Variants in ENTREP2 observed in about 807,000 individuals in gnomAD.
ENTREP2 encodes protein ENTREP2.
At chr15:29,434,099 G>A in the ENTREP2 span, among the ~76,000 whole-genome samples, 1 of 152,176 alleles carries the variant, frequency 6.6e-6, no homozygotes, top group Non-Finnish European at 1.5e-5. Context: ...ATGAACTAAC[G>A]ACTGTGTGGT....
chr15:29,511,761 AG>A, the ENTREP2 span, among the ~76,000 whole-genome samples: 9 of 149,728 alleles, frequency 6.0e-5, no homozygotes, highest in Non-Finnish European at 1.3e-4. Flanking sequence ...CCAGCCTCGA[AG>A]GGTGCTCCCA....
the ENTREP2 span, chr15:29,268,712 G>T: frequency 6.9e-7 from 1 of 1,445,362 alleles, no homozygotes; most frequent in Non-Finnish European, 9.3e-7. Context: ...CCCTGGGTTC[G>T]TTCTCCCTTC....
At chr15:29,242,173 C>T in the ENTREP2 span, among the ~76,000 whole-genome samples, 14 of 152,122 alleles carry the variant, frequency 9.2e-5, no homozygotes, top group African/African-American at 2.2e-4. Context: ...GCACCCCCTG[C>T]GTCCCCCTGC....
At chr15:29,526,917 C>T in the ENTREP2 span, among the ~76,000 whole-genome samples, 1 of 152,184 alleles carries the variant, frequency 6.6e-6, no homozygotes, top group South Asian at 2.1e-4. Flanking sequence ...CAAAACCTGT[C>T]CTCAAATGGT....
At chr15:29,234,469 C>A in the ENTREP2 span, 1 of 1,477,282 alleles carries the variant, frequency 6.8e-7, no homozygotes, top group Non-Finnish European at 9.5e-7. Context: ...TTGTGCCCAG[C>A]ATTCGCCTAT....
chr15:29,652,150 G>A, the ENTREP2 span, among the ~76,000 whole-genome samples: 2 of 152,166 alleles, frequency 1.3e-5, 1 homozygote, highest in South Asian at 4.1e-4. Flanking sequence ...TCCCACTCCA[G>A]CAATGAACTA....
At chr15:29,235,655 C>G in the ENTREP2 span, among the ~76,000 whole-genome samples, 2 of 152,122 alleles carry the variant, frequency 1.3e-5, no homozygotes, top group African/African-American at 2.4e-5. Flanking sequence ...AAGCTAATTC[C>G]TACCTCAGGA....
At chr15:29,255,306 CACT>C in the ENTREP2 span, among the ~76,000 whole-genome samples, 445 of 152,242 alleles carry the variant, frequency 2.9e-3, no homozygotes, top group African/African-American at 0.01. Flanking sequence ...TTAAATTCAA[CACT>C]ACTAAGTTTT....
the ENTREP2 span, chr15:29,137,020 C>A: frequency 7.0e-7 from 1 of 1,420,426 alleles, no homozygotes; most frequent in South Asian, 1.6e-5. Flanking sequence ...TGGGGGCAGC[C>A]GCGGGAGACC....
the ENTREP2 span, among the ~76,000 whole-genome samples, chr15:29,422,696 A>T: frequency 6.6e-6 from 1 of 152,212 alleles, no homozygotes; most frequent in African/African-American, 2.4e-5. Context: ...TATCTGGACA[A>T]AGATACCTTT....
the ENTREP2 span, among the ~76,000 whole-genome samples, chr15:29,318,439 GCCT>G: frequency 6.6e-6 from 1 of 152,052 alleles, no homozygotes; most frequent in African/African-American, 2.4e-5. Flanking sequence ...TCCTGCCTCA[GCCT>G]CCCGAGTAGC....
chr15:29,362,665 G>A, the ENTREP2 span, among the ~76,000 whole-genome samples: 2 of 152,132 alleles, frequency 1.3e-5, no homozygotes, highest in South Asian at 4.1e-4. Context: ...ATGAGCCACC[G>A]CGTCCGGCCC....
At chr15:29,460,358 C>G in the ENTREP2 span, among the ~76,000 whole-genome samples, 1 of 152,118 alleles carries the variant, frequency 6.6e-6, no homozygotes, top group Non-Finnish European at 1.5e-5. Context: ...TGCCTGGGTG[C>G]GGTGGCTCAT....
At chr15:29,621,041 C>T in the ENTREP2 span, among the ~76,000 whole-genome samples, 2 of 152,070 alleles carry the variant, frequency 1.3e-5, no homozygotes, top group Non-Finnish European at 2.9e-5. Flanking sequence ...TTGCCTTAGG[C>T]ACCACCATTA....
the ENTREP2 span, among the ~76,000 whole-genome samples, chr15:29,419,396 T>C: frequency 6.6e-6 from 1 of 152,028 alleles, no homozygotes; most frequent in African/African-American, 2.4e-5. Context: ...AAGATAAGAC[T>C]AGTAAACAGC....
At chr15:29,464,747 C>T in the ENTREP2 span, among the ~76,000 whole-genome samples, 4 of 152,086 alleles carry the variant, frequency 2.6e-5, no homozygotes, top group Admixed American at 6.5e-5. Context: ...GCAGCGAGGC[C>T]GCTCATGGCA....
the ENTREP2 span, among the ~76,000 whole-genome samples, chr15:29,636,119 C>T: frequency 6.6e-6 from 1 of 152,202 alleles, no homozygotes; most frequent in African/African-American, 2.4e-5. Context: ...GCCCTCTTTG[C>T]AGCTCATTCC....
At chr15:29,118,664 T>A in the ENTREP2 span, among the ~76,000 whole-genome samples, 3 of 152,162 alleles carry the variant, frequency 2.0e-5, no homozygotes, top group Non-Finnish European at 4.4e-5. Context: ...CTTCTTCAGA[T>A]TTCAACGTAA....
At chr15:29,307,453 T>C in the ENTREP2 span, among the ~76,000 whole-genome samples, 1 of 152,258 alleles carries the variant, frequency 6.6e-6, no homozygotes, top group Admixed American at 6.5e-5. Flanking sequence ...CCCATTGGTG[T>C]TTACTATCCA....
Sources: gnomAD v4.1 joint callset for allele counts (sites outside exome capture counted in the v4.1 genomes callset) on GRCh38, gnomAD v4.1.1 for gene constraint, MANE v1.5 for transcripts, NCBI Gene and HGNC (gene_info 2026-07-23, HGNC 2026-07-21) for gene names.